The following DENND2A variants were observed in gnomAD, a reference collection of about 807,000 sequenced individuals.
DENND2A encodes the protein DENN domain containing 2A, also known as DENN domain-containing protein 2A.
Under a neutral mutation model 105.3 loss-of-function variants are expected in DENND2A, and 53 were observed. The observed-to-expected ratio is 0.50, with a 90% confidence interval of 0.40 to 0.63. DENND2A has a LOEUF of 0.63. Among genes scored for constraint, DENND2A ranks in the 30% least tolerant of loss-of-function variants. The probability of loss-of-function intolerance (pLI) is 0.00; values close to 1 mark genes in which losing one functional copy is unlikely to be tolerated. For synonymous variants in DENND2A, 522 were observed against 508.4 expected, an observed-to-expected ratio of 1.03 and a Z score of -0.36; for missense variants, 1,138 against 1,279.6, an observed-to-expected ratio of 0.89 and a Z score of 1.69.
chr7:140,602,635 C>T, intron 2 of DENND2A, 93 bp from the exon 3 acceptor site: 1 of 376,340 alleles, frequency 2.7e-6, no homozygotes, highest in Non-Finnish European at 4.7e-6. Context: ...ATGTTATATG[C>T]AAGTCACAAA....
chr7:140,551,270 A>C (rs1489110187), intron 12 of DENND2A, among the ~76,000 whole-genome samples: 1 of 137,888 alleles, frequency 7.3e-6, no homozygotes, highest in Non-Finnish European at 1.5e-5. Flanking sequence ...ACTGCCCTCC[A>C]GCCTGGGCGA....
At position 140,518,676 on chromosome 7, in the gene DENND2A, C is replaced by A. The variant is rs761711360; in HGVS notation, c.*31G>T. The stretch of plus-strand genomic sequence containing the variant: ...ACTGTTTTTAAAGCATAGGGCTGCA[C>A]TAGGAGGAAGTTTTCCCTTGAGGCT... On this transcript the variant is annotated 3_prime_UTR_variant, in exon 20 of 20. Coordinates refer to ENST00000496613, the MANE Select transcript of DENND2A (RefSeq NM_015689.5). 15 of 1,609,608 alleles carry A rather than the reference C, an allele frequency of 9.3e-6. No homozygotes were observed. Among genetic ancestry groups the A allele is most frequent in the Non-Finnish European group, 1.3e-5 (15 of 1,176,084 alleles).
chr7:140,540,183 C>T (rs1328991101), intron 14 of DENND2A, among the ~76,000 whole-genome samples: 2 of 152,370 alleles, frequency 1.3e-5, no homozygotes, highest in South Asian at 4.1e-4. Context: ...CTGGCTCTCG[C>T]TCCAAGGAGG....
chr7:140,585,617 G>A lies in DENND2A; in HGVS notation c.1217C>T (p.Thr406Ile). The A allele has an allele frequency of 1.2e-6, 2 of 1,614,138 alleles. No individual in the cohort carries two copies. Among genetic ancestry groups the A allele is most frequent in the East Asian group, 2.2e-5 (1 of 44,874 alleles). ...GGTGAGTGTGTCAGGGATGGAAGAG[G>A]TGGGAGAAGCAGGAAAATTCAAGAC... ...KCVLNFPASP[T>I]SSIPDTLTKQ... The change falls in exon 5 of 20, where the codon ACC becomes ATC. Residue 406 changes from threonine (T) to isoleucine (I), a missense_variant. Thr to Ile is a moderately conservative substitution (Grantham distance 89). Around this residue, in one of 2 missense-constraint regions of DENND2A, gnomAD observed 627 missense variants for 779.8 expected, o/e 0.80. Coordinates refer to ENST00000496613, the MANE Select transcript of DENND2A (RefSeq NM_015689.5).
chr7:140,564,486 C>T (rs368558691), intron 9 of DENND2A, among the ~76,000 whole-genome samples: 2 of 151,906 alleles, frequency 1.3e-5, no homozygotes, highest in Admixed American at 6.6e-5. Context: ...ACACGCAGCA[C>T]GATACAAAAA....
At chr7:140,581,294 C>G (rs947234772) in intron 5 of DENND2A, among the ~76,000 whole-genome samples, 1 of 152,052 alleles carries the variant, frequency 6.6e-6, no homozygotes, top group South Asian at 2.1e-4. Flanking sequence ...GTGGGTGATG[C>G]GTAGCAAGAA....
chr7:140,546,062 T>G (rs867958248), intron 13 of DENND2A, among the ~76,000 whole-genome samples: 1 of 151,746 alleles, frequency 6.6e-6, no homozygotes, highest in South Asian at 2.1e-4. Flanking sequence ...AATGGGGTCC[T>G]TCTTCTGATG....
intron 12 of DENND2A, among the ~76,000 whole-genome samples, chr7:140,547,788 G>C (rs571482846): frequency 1.3e-5 from 2 of 152,138 alleles, no homozygotes; most frequent in Non-Finnish European, 2.9e-5. Flanking sequence ...TCCATATAAT[G>C]GAATATTATT....
intron 15 of DENND2A, 150 bp from the exon 16 acceptor site, chr7:140,525,942 AGC>A (rs1796039227): frequency 1.8e-6 from 1 of 564,322 alleles, no homozygotes; most frequent in Non-Finnish European, 3.1e-6. Context: ...TTGCCACGGT[AGC>A]CACAGGTAAT....
rs763477958 is a variant in DENND2A at position 140,519,624 on chromosome 7, G to A, written c.2998+8C>T. On this transcript the variant is annotated splice_region_variant and intron_variant, in intron 19 of 19. Transcript: ENST00000496613. ...CACAGGCTGGGCACCCAGAGCCCGG[G>A]GCCTTACCTAGTCCCTTCAGGAACT... 6.2e-7 allele frequency: 1 copy of A among 1,613,530 alleles called. No individual in the cohort carries two copies. The highest frequency in any genetic ancestry group is 8.5e-7 in the Non-Finnish European group (1 of 1,179,688).
chr7:140,526,443 G>A (rs1369843362), intron 15 of DENND2A, among the ~76,000 whole-genome samples: 1 of 152,358 alleles, frequency 6.6e-6, no homozygotes. Context: ...GGCCGTGACG[G>A]AGGAGGAGCC....
At chr7:140,540,742 G>T (rs1796628468) in intron 14 of DENND2A, among the ~76,000 whole-genome samples, 1 of 151,656 alleles carries the variant, frequency 6.6e-6, no homozygotes, top group African/African-American at 2.4e-5. Context: ...TTTTTAGACA[G>T]GGTCTCGCTC....
Position 140,518,561 on chromosome 7 carries a change from G to C in DENND2A, c.*146C>G, listed in dbSNP as rs1795740109. 3 of 758,320 alleles carry C rather than the reference G, an allele frequency of 4.0e-6. No homozygotes were observed. In the East Asian group the frequency reaches 8.7e-5, roughly 22 times the overall value. The allele number at this position is 758,320 out of a possible 1,614,324, so 47.0% of individuals were successfully genotyped here. A position where few individuals can be genotyped will look rare whatever the true frequency, so the allele number is the denominator to read the frequency against. ...GGCGGCTCCCAGGTCCTCATCCAGG[G>C]AAGAGCCCAGCCTCGGCCAGAAGCC... On this transcript the variant is annotated 3_prime_UTR_variant, in exon 20 of 20. Coordinates refer to ENST00000496613, the MANE Select transcript of DENND2A (RefSeq NM_015689.5).
intron 7 of DENND2A, among the ~76,000 whole-genome samples, chr7:140,569,143 A>G (rs912097615): frequency 7.2e-5 from 11 of 152,168 alleles, no homozygotes; most frequent in African/African-American, 2.7e-4. Context: ...CCAGGCTGGT[A>G]TAAAACTTCT....
chr7:140,558,650 C>T (rs1268869439), intron 10 of DENND2A, among the ~76,000 whole-genome samples: 2 of 142,760 alleles, frequency 1.4e-5, no homozygotes, highest in Non-Finnish European at 3.0e-5. Flanking sequence ...GAGCCAAGAT[C>T]ATGCCATTAC....
In DENND2A at chr7:140,626,649, C is replaced by A. The variant is rs147150841; in HGVS notation, c.-248+13855G>T. Among the ~76,000 whole-genome samples, 698 of 152,306 alleles carry A rather than the reference C, an allele frequency of 4.6e-3. 4 individuals are homozygous for A. The highest frequency in any genetic ancestry group is 0.016 in the African/African-American group (665 of 41,576). ...CTCCCTCTTGCCTTCCTGTCCTCCT[C>A]TTCCTTTCCTCCCCTCAGACTCTTC... On this transcript the variant is annotated intron_variant, in intron 1 of 19. Coordinates refer to ENST00000496613, the MANE Select transcript of DENND2A (RefSeq NM_015689.5).
At chr7:140,597,544 C>T (rs540222809) in intron 3 of DENND2A, among the ~76,000 whole-genome samples, 2 of 152,228 alleles carry the variant, frequency 1.3e-5, no homozygotes, top group Non-Finnish European at 2.9e-5. Context: ...GCTGATGAAA[C>T]CATATTCAAA....
Position 140,558,144 on chromosome 7 carries a change from A to G in DENND2A, c.1958T>C (p.Leu653Pro), listed in dbSNP as rs772723075. The change falls in exon 11 of 20, where the codon CTG becomes CCG. Residue 653 changes from leucine to proline, a missense_variant and splice_region_variant. Leu to Pro is a moderately conservative substitution (Grantham distance 98, BLOSUM62 -3). Around this residue, in one of 2 missense-constraint regions of DENND2A, gnomAD observed 627 missense variants for 779.8 expected, o/e 0.80. Transcript: ENST00000496613. ...SRRFGYCRRLLPGGKGKRLPE... is the reference protein window; with the variant it reads ...SRRFGYCRRLPPGGKGKRLPE... ...AGGCTGAAAGCAGAATGTACTCACCAGCAGTCTTCGGCAGTAACCGAACCT... is the reference window on the plus strand; with the variant it reads ...AGGCTGAAAGCAGAATGTACTCACCGGCAGTCTTCGGCAGTAACCGAACCT... 1 of 1,613,306 alleles carries G rather than the reference A, an allele frequency of 6.2e-7. No individual in the cohort carries two copies. Among genetic ancestry groups the G allele is most frequent in the South Asian group, 1.1e-5 (1 of 91,078 alleles).
intron 5 of DENND2A, among the ~76,000 whole-genome samples, chr7:140,582,141 T>A (rs1798571573): frequency 6.6e-6 from 1 of 152,088 alleles, no homozygotes; most frequent in African/African-American, 2.4e-5. Context: ...ATTTTTGTAT[T>A]TTTAGTAGAG....
Sources: gnomAD v4.1 joint callset for allele counts (sites outside exome capture counted in the v4.1 genomes callset) on GRCh38, gnomAD v4.1.1 for gene constraint, gnomAD v4.1.1 regional missense constraint, MANE v1.5 for transcripts, NCBI Gene and HGNC (gene_info 2026-07-23, HGNC 2026-07-21) for gene names.